The following DLGAP2 variants were observed in gnomAD, a reference collection of about 807,000 sequenced individuals.
DLGAP2 encodes the protein DLG associated protein 2.
A neutral mutation model predicts 100.3 loss-of-function variants in DLGAP2; 26 were observed. The observed-to-expected ratio is 0.26, with a 90% CI of 0.19 to 0.36. The LOEUF is 0.36. Ranked by LOEUF, DLGAP2 falls within the 10% of genes least tolerant of loss-of-function variation. The probability of loss-of-function intolerance (pLI) is 1.00; values close to 1 mark genes in which losing one functional copy is unlikely to be tolerated. For synonymous variants in DLGAP2, 886 were observed against 630.1 expected, an observed-to-expected ratio of 1.41 and a Z score of -6.08; for missense variants, 1,858 against 1,453.2, an observed-to-expected ratio of 1.28 and a Z score of -4.53.
intron 8 of DLGAP2, among the ~76,000 whole-genome samples, chr8:1,660,485 C>G (rs1052362807): frequency 6.6e-6 from 1 of 152,184 alleles, no homozygotes; most frequent in African/African-American, 2.4e-5. Flanking sequence ...GTGCCTGTCC[C>G]TGGTCTTCAC....
At chr8:1,140,326 T>C (rs775984605) in intron 2 of DLGAP2, among the ~76,000 whole-genome samples, 1 of 139,380 alleles carries the variant, frequency 7.2e-6, no homozygotes, top group Non-Finnish European at 1.6e-5. Context: ...CCCTCTGGCC[T>C]CCCTTCCATC....
At chr8:1,421,086 A>T (rs535937715) in intron 3 of DLGAP2, among the ~76,000 whole-genome samples, 1 of 152,320 alleles carries the variant, frequency 6.6e-6, no homozygotes, top group South Asian at 2.1e-4. Context: ...CTCTCCAACA[A>T]GTCACTAGTA....
chr8:921,863 T>A (rs1369158541), intron 2 of DLGAP2, among the ~76,000 whole-genome samples: 1 of 152,252 alleles, frequency 6.6e-6, no homozygotes, highest in East Asian at 1.9e-4. Flanking sequence ...TCTGCTCTCC[T>A]CTGAGAACGT....
intron 2 of DLGAP2, among the ~76,000 whole-genome samples, chr8:956,861 C>T (rs1437790839): frequency 6.6e-6 from 1 of 152,146 alleles, no homozygotes; most frequent in African/African-American, 2.4e-5. Flanking sequence ...TGTGGTTGTC[C>T]AGCAACTTGC....
At chr8:1,033,494 C>A (rs915626901) in intron 2 of DLGAP2, among the ~76,000 whole-genome samples, 8 of 152,126 alleles carry the variant, frequency 5.3e-5, no homozygotes, top group Non-Finnish European at 1.0e-4. Context: ...TGGCAAAACC[C>A]TATCTCTGCA....
chr8:1,518,565 C>A (rs917512178), intron 4 of DLGAP2, among the ~76,000 whole-genome samples: 1 of 152,132 alleles, frequency 6.6e-6, no homozygotes, highest in Non-Finnish European at 1.5e-5. Flanking sequence ...TCTCATCCAA[C>A]CTTGATCAGC....
intron 6 of DLGAP2, among the ~76,000 whole-genome samples, chr8:1,591,704 T>C (rs539733991): frequency 9.9e-5 from 15 of 152,236 alleles, no homozygotes; most frequent in Admixed American, 9.8e-4. Flanking sequence ...GCAGCCAGTT[T>C]ACACCCCACA....
At chr8:1,177,453 G>A (rs999751918) in intron 2 of DLGAP2, among the ~76,000 whole-genome samples, 15 of 152,142 alleles carry the variant, frequency 9.9e-5, no homozygotes, top group East Asian at 1.9e-4. Context: ...TGGGCACACC[G>A]GAGCAGATGC....
intron 4 of DLGAP2, among the ~76,000 whole-genome samples, chr8:1,543,507 G>T (rs976552285): frequency 3.3e-5 from 5 of 152,206 alleles, no homozygotes; most frequent in African/African-American, 9.6e-5. Context: ...GCAGGTGCAT[G>T]TCTGGACTCC....
At chr8:1,069,764 A>G (rs1803371607) in intron 2 of DLGAP2, among the ~76,000 whole-genome samples, 1 of 152,166 alleles carries the variant, frequency 6.6e-6, no homozygotes, top group Admixed American at 6.5e-5. Context: ...GGAATTCAAC[A>G]TCATGTTTGG....
chr8:1,546,052 T>G (rs1563212463), intron 4 of DLGAP2, among the ~76,000 whole-genome samples: 1 of 152,262 alleles, frequency 6.6e-6, no homozygotes, highest in Non-Finnish European at 1.5e-5. Context: ...CAGTTGAATA[T>G]TGAATTTCAT....
chr8:1,059,394 C>T (rs1354383104), intron 2 of DLGAP2, among the ~76,000 whole-genome samples: 2 of 152,124 alleles, frequency 1.3e-5, no homozygotes, highest in Admixed American at 6.5e-5. Flanking sequence ...AGCCGCACTC[C>T]TGAGCCCGAA....
chr8:1,514,866 G>T (rs1042258723), intron 4 of DLGAP2, among the ~76,000 whole-genome samples: 4 of 152,180 alleles, frequency 2.6e-5, no homozygotes, highest in African/African-American at 9.6e-5. Flanking sequence ...TGACAGAGCT[G>T]CATGGCAGGA....
chr8:1,202,267 TGTGTGTC>T (rs1797895210), intron 2 of DLGAP2, among the ~76,000 whole-genome samples: 14 of 142,432 alleles, frequency 9.8e-5, no homozygotes, highest in African/African-American at 4.2e-4. Context: ...TGTGTGTGTG[TGTGTGTC>T]TGTGGTGCAT....
At chr8:981,441 A>T (rs1466477643) in intron 2 of DLGAP2, among the ~76,000 whole-genome samples, 1 of 152,042 alleles carries the variant, frequency 6.6e-6, no homozygotes, top group Non-Finnish European at 1.5e-5. Flanking sequence ...TTGGCTTTGT[A>T]TCTAGGAGTG....
intron 3 of DLGAP2, among the ~76,000 whole-genome samples, chr8:1,413,446 G>A (rs1563131380): frequency 6.6e-6 from 1 of 152,124 alleles, no homozygotes; most frequent in Non-Finnish European, 1.5e-5. Context: ...TCCAATTTAA[G>A]GGCAAGCAAA....
chr8:919,366 T>A (rs1402256962), intron 2 of DLGAP2, among the ~76,000 whole-genome samples: 1 of 152,190 alleles, frequency 6.6e-6, no homozygotes, highest in Non-Finnish European at 1.5e-5. Context: ...TTTCTGATGT[T>A]CTCAGTCTTT....
chr8:884,600 T>C (rs1003516343), intron 1 of DLGAP2, among the ~76,000 whole-genome samples: 2 of 152,232 alleles, frequency 1.3e-5, no homozygotes, highest in African/African-American at 4.8e-5. Flanking sequence ...ATTTCGATGA[T>C]AGTTTCTTTT....
intron 5 of DLGAP2, among the ~76,000 whole-genome samples, chr8:1,550,973 C>A (rs1249396183): frequency 6.6e-6 from 1 of 152,248 alleles, no homozygotes; most frequent in Non-Finnish European, 1.5e-5. Flanking sequence ...GCTGAGCCAA[C>A]AGGCAGTCAA....
Sources: gnomAD v4.1 joint callset for allele counts (sites outside exome capture counted in the v4.1 genomes callset) on GRCh38, gnomAD v4.1.1 for gene constraint, MANE v1.5 for transcripts, NCBI Gene and HGNC (gene_info 2026-07-23, HGNC 2026-07-21) for gene names.